Variants in PDE1A observed in about 807,000 individuals in gnomAD.
PDE1A encodes phosphodiesterase 1A, also known as dual specificity calcium/calmodulin-dependent 3',5'-cyclic nucleotide phosphodiesterase 1A.
In PDE1A, 35 loss-of-function variants were observed where a neutral mutation model predicts 61.7. That is an observed-to-expected ratio of 0.57 (90% CI 0.43 to 0.75). PDE1A has a LOEUF of 0.75. Ranked by LOEUF, PDE1A falls within the 30% of genes least tolerant of loss-of-function variation. PDE1A has a pLI of 0.00. For missense variants in PDE1A, 597 were observed against 630.6 expected (o/e 0.95, Z 0.57); for synonymous variants, 232 against 213.2 (o/e 1.09, Z -0.77).
At chr2:182,255,683 A>G (rs1691730312) in intron 2 of PDE1A, among the ~76,000 whole-genome samples, 1 of 139,556 alleles carries the variant, frequency 7.2e-6, no homozygotes, top group African/African-American at 2.7e-5. Flanking sequence ...TTTGAGACAG[A>G]GTCTTGCTCT....
chr2:182,293,324 A>C (rs975183198), intron 1 of PDE1A, among the ~76,000 whole-genome samples: 1 of 152,150 alleles, frequency 6.6e-6, no homozygotes, highest in Non-Finnish European at 1.5e-5. Context: ...TCAAGAAAAT[A>C]AATTAGGAAA....
At chr2:182,654,947 G>T in the PDE1A span, among the ~76,000 whole-genome samples, 13 of 152,188 alleles carry the variant, frequency 8.5e-5, no homozygotes, top group African/African-American at 3.1e-4. Context: ...AGGCCTCCTG[G>T]TTATTCATCT....
At chr2:182,332,609 C>A (rs915978586) in intron 1 of PDE1A, among the ~76,000 whole-genome samples, 3 of 152,088 alleles carry the variant, frequency 2.0e-5, no homozygotes, top group African/African-American at 7.2e-5. Flanking sequence ...TTTCCCGCTG[C>A]AGGTCTGCTG....
chr2:182,230,140 C>G (rs1345381603), exon 6 of PDE1A: 2 of 1,611,242 alleles, frequency 1.2e-6, no homozygotes, highest in African/African-American at 1.3e-5. Flanking sequence ...AGGCAAGAAA[C>G]AGGAATCTGT....
the PDE1A span, among the ~76,000 whole-genome samples, chr2:182,609,840 G>C: frequency 4.7e-5 from 1 of 21,152 alleles, no homozygotes; most frequent in African/African-American, 5.1e-5. Context: ...TGTAATCCCA[G>C]CACTTGGGAG....
At chr2:182,624,874 C>T in the PDE1A span, among the ~76,000 whole-genome samples, 2 of 152,140 alleles carry the variant, frequency 1.3e-5, no homozygotes, top group Admixed American at 1.3e-4. Context: ...CTAGCTAACC[C>T]CAAACCTCTT....
chr2:182,391,311 C>T (rs188707123), intron 1 of PDE1A, among the ~76,000 whole-genome samples: 5 of 152,162 alleles, frequency 3.3e-5, no homozygotes, highest in Admixed American at 6.5e-5. Flanking sequence ...TTAATGTTGC[C>T]AGCTCTGGGA....
At chr2:182,315,447 T>C (rs1696278407) in intron 1 of PDE1A, among the ~76,000 whole-genome samples, 1 of 152,146 alleles carries the variant, frequency 6.6e-6, no homozygotes, top group South Asian at 2.1e-4. Context: ...AATTAAAAGT[T>C]AAATTCTATA....
chr2:182,150,522 G>T (rs1357071705), intron 13 of PDE1A, among the ~76,000 whole-genome samples: 1 of 152,152 alleles, frequency 6.6e-6, no homozygotes, highest in African/African-American at 2.4e-5. Context: ...CAAAGAAATT[G>T]CATATAAACT....
chr2:182,234,834 G>C (rs1379095034), intron 3 of PDE1A, among the ~76,000 whole-genome samples: 2 of 152,160 alleles, frequency 1.3e-5, no homozygotes, highest in African/African-American at 4.8e-5. Flanking sequence ...ATCCCTGACA[G>C]CAGAACATTC....
the PDE1A span, among the ~76,000 whole-genome samples, chr2:182,654,720 T>C: frequency 2.0e-5 from 3 of 152,188 alleles, no homozygotes; most frequent in Non-Finnish European, 4.4e-5. Flanking sequence ...TTCCCTTCAA[T>C]GAATGGGCTC....
chr2:182,677,566 C>A, the PDE1A span, among the ~76,000 whole-genome samples: 1 of 152,100 alleles, frequency 6.6e-6, no homozygotes, highest in Admixed American at 6.6e-5. Context: ...TCATATGGAA[C>A]CAAAAAAGAA....
At chr2:182,626,744 T>TATATAC in the PDE1A span, among the ~76,000 whole-genome samples, 1 of 45,358 alleles carries the variant, frequency 2.2e-5, no homozygotes, top group Non-Finnish European at 3.9e-5. Flanking sequence ...TATACATATA[T>TATATAC]ATACATATAT....
At chr2:182,431,003 G>A (rs551223798), upstream of PDE1A, among the ~76,000 whole-genome samples, 26 of 136,050 alleles carry the variant, frequency 1.9e-4, no homozygotes, top group Non-Finnish European at 3.9e-4. Flanking sequence ...TATACCTAAT[G>A]CTAGATGATG....
intron 1 of PDE1A, chr2:182,314,332 A>AG (rs377704696): frequency 6.6e-6 from 1 of 152,180 alleles, no homozygotes. Context: ...AGGCTGAGGC[A>AG]GGGGGATTGC....
the PDE1A span, among the ~76,000 whole-genome samples, chr2:182,547,245 T>G: frequency 6.6e-6 from 1 of 152,224 alleles, no homozygotes; most frequent in Non-Finnish European, 1.5e-5. Flanking sequence ...GTTGGGTTCC[T>G]GTTCTAAACG....
chr2:182,444,310 G>A (rs914072940), intron 2 of PDE1A, among the ~76,000 whole-genome samples: 1 of 152,100 alleles, frequency 6.6e-6, no homozygotes, highest in Non-Finnish European at 1.5e-5. Flanking sequence ...AGTCTTCCTT[G>A]AGAATCACAT....
At chr2:182,416,213 T>C (rs1702909202) in intron 1 of PDE1A, among the ~76,000 whole-genome samples, 1 of 152,212 alleles carries the variant, frequency 6.6e-6, no homozygotes, top group African/African-American at 2.4e-5. Flanking sequence ...TTATTCAACA[T>C]GGCATTATTC....
At chr2:182,240,066 C>A in intron 3 of PDE1A, 44 bp downstream of exon 3, 1 of 1,540,986 alleles carries the variant, frequency 6.5e-7, no homozygotes, top group South Asian at 1.2e-5. Flanking sequence ...GTATCTGCTG[C>A]CTTTCAAATG....
Sources: allele counts gnomAD v4.1 joint callset (sites outside exome capture counted in the v4.1 genomes callset), GRCh38; gene constraint gnomAD v4.1.1; transcripts MANE v1.5; gene names NCBI Gene and HGNC (gene_info 2026-07-23, HGNC 2026-07-21).